GALNT17: variants seen among roughly 807,000 people sequenced by gnomAD.
GALNT17 encodes UDP-GalNAc:polypeptide N-acetylgalactosaminyltransferase-like 3.
In GALNT17, 29 loss-of-function variants were observed where a neutral mutation model predicts 63.7. The observed-to-expected ratio is 0.46, with a 90% CI of 0.34 to 0.62. The LOEUF is 0.62. GALNT17 is among the 20% of genes least tolerant of loss of function. GALNT17 has a pLI of 0.01. For synonymous variants in GALNT17, 305 were observed against 318.3 expected (o/e 0.96, Z 0.45); for missense variants, 603 against 799.6 (o/e 0.75, Z 2.97).
intron 5 of GALNT17, among the ~76,000 whole-genome samples, chr7:71,543,670 C>G (rs896454811): frequency 6.7e-6 from 1 of 148,650 alleles, no homozygotes; most frequent in African/African-American, 2.5e-5. Flanking sequence ...TGTTATCTTA[C>G]AAGCAGAGGG....
At chr7:71,219,193 G>C (rs528984401) in intron 1 of GALNT17, among the ~76,000 whole-genome samples, 3 of 152,268 alleles carry the variant, frequency 2.0e-5, no homozygotes, top group African/African-American at 7.2e-5. Context: ...AGCATAGAGA[G>C]GTTAAATAAC....
intron 1 of GALNT17, among the ~76,000 whole-genome samples, chr7:71,260,828 T>G (rs1462432286): frequency 6.6e-6 from 1 of 152,140 alleles, no homozygotes; most frequent in Non-Finnish European, 1.5e-5. Context: ...GGCCTCGAAC[T>G]CCTGGACTCA....
intron 6 of GALNT17, among the ~76,000 whole-genome samples, chr7:71,620,568 A>G (rs79338984): frequency 0.018 from 2,803 of 152,354 alleles, 31 homozygotes; most frequent in Middle Eastern, 0.065. Flanking sequence ...TTTTTAAATA[A>G]ATTGGAATTA....
At chr7:71,569,709 C>T (rs901409743) in intron 5 of GALNT17, among the ~76,000 whole-genome samples, 4 of 152,094 alleles carry the variant, frequency 2.6e-5, no homozygotes, top group African/African-American at 7.2e-5. Context: ...GGCATGATAT[C>T]GTTCCTTTTT....
intron 5 of GALNT17, among the ~76,000 whole-genome samples, chr7:71,560,707 G>T (rs957296972): frequency 1.3e-5 from 2 of 152,188 alleles, no homozygotes; most frequent in Admixed American, 1.3e-4. Flanking sequence ...ATCGCTGGGG[G>T]AGGTCTGTCA....
chr7:71,691,862 C>T (rs1180740359), intron 9 of GALNT17, among the ~76,000 whole-genome samples: 4 of 77,402 alleles, frequency 5.2e-5, no homozygotes, highest in Admixed American at 1.8e-4. Context: ...TCTTTTCTTT[C>T]TTTCTTTCCT....
In GALNT17 at chr7:71,687,877, T is replaced by G. The variant is rs60511097; in HGVS notation, c.1500+10571T>G. On this transcript the variant is annotated intron_variant, in intron 9 of 10. Coordinates refer to ENST00000333538, the MANE Select transcript of GALNT17 (RefSeq NM_022479.3). ...TGCCTAGCTAATTTTTTTGTGTTATTTGTACAGATGGGGTCTTGCTGTGTT... is the reference window on the plus strand; with the variant it reads ...TGCCTAGCTAATTTTTTTGTGTTATGTGTACAGATGGGGTCTTGCTGTGTT... Among the ~76,000 whole-genome samples, 644 of 152,220 alleles carry G rather than the reference T, an allele frequency of 4.2e-3. 21 individuals are homozygous for G. The highest frequency in any genetic ancestry group is 0.029 in the Admixed American group (445 of 15,278).
chr7:71,267,759 G>A (rs1193939928), intron 1 of GALNT17, among the ~76,000 whole-genome samples: 1 of 152,090 alleles, frequency 6.6e-6, no homozygotes, highest in East Asian at 1.9e-4. Flanking sequence ...AGGTAAACGA[G>A]TGCCATGCTG....
At chr7:71,671,551 G>A (rs1384837010) in intron 8 of GALNT17, among the ~76,000 whole-genome samples, 2 of 152,226 alleles carry the variant, frequency 1.3e-5, no homozygotes, top group Admixed American at 6.5e-5. Context: ...CTCTAGGGCG[G>A]TTAGGGATAC....
At chr7:71,403,766 C>T (rs754605602) in intron 3 of GALNT17, among the ~76,000 whole-genome samples, 6 of 152,116 alleles carry the variant, frequency 3.9e-5, no homozygotes, top group Non-Finnish European at 8.8e-5. Context: ...AAAGAAAACT[C>T]GAGGAAGAAG....
At chr7:71,278,679 C>T (rs189958444) in intron 1 of GALNT17, among the ~76,000 whole-genome samples, 105 of 152,132 alleles carry the variant, frequency 6.9e-4, no homozygotes, top group Non-Finnish European at 1.2e-3. Context: ...CACGTGGTGG[C>T]AGGAAGGAGA....
At chr7:71,379,577 A>T (rs186377240) in intron 2 of GALNT17, among the ~76,000 whole-genome samples, 2 of 152,308 alleles carry the variant, frequency 1.3e-5, no homozygotes, top group African/African-American at 4.8e-5. Context: ...CAAATGTCAC[A>T]CAGAGATCCT....
At chr7:71,161,549 G>A (rs1400076803) in intron 1 of GALNT17, among the ~76,000 whole-genome samples, 9 of 152,132 alleles carry the variant, frequency 5.9e-5, no homozygotes, top group African/African-American at 2.2e-4. Flanking sequence ...GATGGGCAGG[G>A]CAGGTTTTAC....
chr7:71,195,328 G>A (rs1308470775), intron 1 of GALNT17, among the ~76,000 whole-genome samples: 2 of 151,696 alleles, frequency 1.3e-5, no homozygotes, highest in South Asian at 2.1e-4. Context: ...AGATCTTTCC[G>A]CCTCAGTCTC....
intron 2 of GALNT17, among the ~76,000 whole-genome samples, chr7:71,362,816 A>G (rs1792429811): frequency 1.3e-5 from 2 of 152,182 alleles, no homozygotes; most frequent in Non-Finnish European, 2.9e-5. Flanking sequence ...GCTACTGTTC[A>G]AAGGGCGACT....
At chr7:71,528,834 G>A (rs1384549271) in intron 5 of GALNT17, among the ~76,000 whole-genome samples, 1 of 152,034 alleles carries the variant, frequency 6.6e-6, no homozygotes, top group African/African-American at 2.4e-5. Context: ...TTTTACAGTG[G>A]TTAAAAAAAA....
At chr7:71,366,512 C>T (rs543379441) in intron 2 of GALNT17, among the ~76,000 whole-genome samples, 15 of 152,206 alleles carry the variant, frequency 9.9e-5, no homozygotes, top group African/African-American at 1.4e-4. Flanking sequence ...ACCTGGGAAG[C>T]GGAGGTTGCA....
intron 3 of GALNT17, among the ~76,000 whole-genome samples, chr7:71,412,402 G>A (rs1184553681): frequency 6.7e-6 from 1 of 149,402 alleles, no homozygotes; most frequent in South Asian, 2.1e-4. Flanking sequence ...ACGGAGTCTC[G>A]CTCTGTTGCT....
chr7:71,284,076 G>C (rs554960469), intron 1 of GALNT17: 1 of 152,100 alleles, frequency 6.6e-6, no homozygotes, highest in Non-Finnish European at 1.5e-5. Flanking sequence ...GGTTCTTTTC[G>C]GTGCTGTGGA....
Sources: gnomAD v4.1 joint callset for allele counts (sites outside exome capture counted in the v4.1 genomes callset) on GRCh38, gnomAD v4.1.1 for gene constraint, MANE v1.5 for transcripts, NCBI Gene and HGNC (gene_info 2026-07-23, HGNC 2026-07-21) for gene names.